Variants in ADCYAP1R1 observed in about 807,000 individuals in gnomAD.
The protein encoded by ADCYAP1R1 is ADCYAP receptor type I.
Under a neutral mutation model 67.6 loss-of-function variants are expected in ADCYAP1R1, and 44 were observed. The observed-to-expected ratio is 0.65, with a 90% CI of 0.51 to 0.84. The LOEUF is 0.84. Among genes scored for constraint, ADCYAP1R1 ranks in the 40% least tolerant of loss-of-function variants. The pLI, the probability that ADCYAP1R1 is intolerant of heterozygous loss-of-function variation, is 0.00. For synonymous variants in ADCYAP1R1, 222 were observed against 219.6 expected (o/e 1.01, Z -0.10); for missense variants, 477 against 587.9 (o/e 0.81, Z 1.95).
Position 31,106,761 on chromosome 7 carries a change from G to A in ADCYAP1R1, c.*77G>A, listed in dbSNP as rs878942732. ...CAGGTGCCAGCCCACGCATGTTTGC[G>A]CCTCTTCCCTCCCCTTGGGCAGGCC... On this transcript the variant is annotated 3_prime_UTR_variant, in exon 16 of 16. Transcript: ENST00000304166. The A allele has an allele frequency of 2.0e-5, 29 of 1,454,260 alleles. No homozygotes were observed. The highest frequency in any genetic ancestry group is 4.3e-5 in the African/African-American group (3 of 70,192). 90.1% of individuals were successfully genotyped at this position (1,454,260 alleles called of 1,614,324 possible). A position where few individuals can be genotyped will look rare whatever the true frequency, so the allele number is the denominator to read the frequency against.
Position 31,070,363 on chromosome 7 carries a change from G to A in ADCYAP1R1, c.157+5427G>A, listed in dbSNP as rs187832974. Among the ~76,000 whole-genome samples, 13 of 152,342 alleles carry A rather than the reference G, an allele frequency of 8.5e-5. No individual in the cohort carries two copies. In the South Asian group the frequency reaches 1.0e-3, roughly 12 times the overall value. ...CCACACTCTAGTGGAGGAGGAAGAGGAGGCCTGTGGTGGCCATGGCAGGGG... is the reference window on the plus strand; with the variant it reads ...CCACACTCTAGTGGAGGAGGAAGAGAAGGCCTGTGGTGGCCATGGCAGGGG... On this transcript the variant is annotated intron_variant, in intron 3 of 15. Coordinates refer to ENST00000304166, the MANE Select transcript of ADCYAP1R1 (RefSeq NM_001118.5).
chr7:31,062,682 G>A (rs1428984556), intron 1 of ADCYAP1R1, among the ~76,000 whole-genome samples: 1 of 152,202 alleles, frequency 6.6e-6, no homozygotes, highest in African/African-American at 2.4e-5. Flanking sequence ...ATTTGGGAAG[G>A]GTTAAAGAGC....
intron 13 of ADCYAP1R1, among the ~76,000 whole-genome samples, chr7:31,101,509 T>A (rs1049516924): frequency 5.9e-5 from 9 of 152,124 alleles, no homozygotes; most frequent in African/African-American, 1.9e-4. Context: ...GTAGCCCCTA[T>A]AGGTAGGGCC....
At chr7:31,071,806 T>A (rs1309295084) in intron 3 of ADCYAP1R1, among the ~76,000 whole-genome samples, 1 of 152,162 alleles carries the variant, frequency 6.6e-6, no homozygotes, top group Non-Finnish European at 1.5e-5. Flanking sequence ...GACTCTAGAC[T>A]TTTTTCCAGC....
intron 3 of ADCYAP1R1, among the ~76,000 whole-genome samples, chr7:31,068,344 C>G (rs1013080075): frequency 6.6e-6 from 1 of 152,194 alleles, no homozygotes; most frequent in East Asian, 1.9e-4. Context: ...TTGCTTGTCT[C>G]TTACCTAGTA....
rs1584504745 is a variant in ADCYAP1R1 at position 31,077,937 on chromosome 7, G to A, written c.158-54G>A. The A allele has an allele frequency of 8.3e-6, 10 of 1,203,052 alleles. No individual in the cohort carries two copies. The East Asian group carries it at 2.4e-4, about 28-fold the overall frequency. The allele number at this position is 1,203,052 out of a possible 1,614,324, so 74.5% of individuals were successfully genotyped here. A position where few individuals can be genotyped will look rare whatever the true frequency, so the allele number is the denominator to read the frequency against. Reference sequence around the variant, plus strand: ...GTGTGTGTGATGTGTGTGGTGGTGTGTGTGTATGGGTGTGTGTGGCTGGCC... The same window carrying A: ...GTGTGTGTGATGTGTGTGGTGGTGTATGTGTATGGGTGTGTGTGGCTGGCC... On this transcript the variant is annotated intron_variant, in intron 3 of 15. Coordinates refer to ENST00000304166, the MANE Select transcript of ADCYAP1R1 (RefSeq NM_001118.5).
rs762490784 is a variant in ADCYAP1R1 at position 31,063,283 on chromosome 7, G to C, written c.19G>C (p.Val7Leu). 6.2e-7 allele frequency: 1 copy of C among 1,614,082 alleles called. No homozygotes were observed. The highest frequency in any genetic ancestry group is 1.3e-5 in the African/African-American group (1 of 74,926). The change falls in exon 2 of 16, where the codon GTT (valine) becomes CTT (leucine). Residue 7 changes from valine to leucine, a missense_variant. Physicochemically the swap from Val to Leu is conservative, Grantham distance 32. Transcript: ENST00000304166. Reference protein sequence around the residue: MAGVVHVSLAALLLLPM... With the variant: MAGVVHLSLAALLLLPM... ...AAGTGTCATGGCTGGTGTCGTGCAC[G>C]TTTCCCTGGCTGCTCTCCTCCTGCT...
intron 3 of ADCYAP1R1, among the ~76,000 whole-genome samples, chr7:31,075,380 C>G (rs1271070971): frequency 6.6e-6 from 1 of 152,080 alleles, no homozygotes; most frequent in Non-Finnish European, 1.5e-5. Context: ...GCACAGAAGC[C>G]CTCTCCATAG....
At position 31,078,217 on chromosome 7, in the gene ADCYAP1R1, C is replaced by A. The variant is rs531193734; in HGVS notation, c.265+119C>A. Reference sequence around the variant, plus strand: ...TGGGCAGACAGTCCCTGCTCCTGAGCTCACATGTGGTGTGGGGGATGAAAC... The same window carrying A: ...TGGGCAGACAGTCCCTGCTCCTGAGATCACATGTGGTGTGGGGGATGAAAC... On this transcript the variant is annotated intron_variant, in intron 4 of 15. Transcript: ENST00000304166. The A allele has an allele frequency of 1.8e-4, 127 of 710,356 alleles. No homozygotes were observed. The Middle Eastern group carries it at 2.5e-3, about 14-fold the overall frequency. 44.0% of individuals were successfully genotyped at this position (710,356 alleles called of 1,614,324 possible).
At position 31,107,488 on chromosome 7, in the gene ADCYAP1R1, T is replaced by C. The variant is rs1796697025; in HGVS notation, c.*804T>C. 1 of 152,150 alleles carries C rather than the reference T, an allele frequency of 6.6e-6. No individual in the cohort carries two copies. Among genetic ancestry groups the C allele is most frequent in the Admixed American group, 6.5e-5 (1 of 15,268 alleles). 9.4% of individuals were successfully genotyped at this position (152,150 alleles called of 1,614,324 possible). On this transcript the variant is annotated 3_prime_UTR_variant, in exon 16 of 16. Transcript: ENST00000304166. ...TGGAAGAAAACCTTCGCCATCTCCA[T>C]TGTTTTACCCCCAGCTCAAGATGGA... is the stretch of plus-strand genomic sequence containing the variant.
chr7:31,064,942 C>T lies in ADCYAP1R1; in HGVS notation c.157+6C>T, dbSNP rs763444044. The T allele has an allele frequency of 1.6e-5, 26 of 1,597,852 alleles. No homozygotes were observed. Among genetic ancestry groups the T allele is most frequent in the Admixed American group, 3.4e-5 (2 of 58,854 alleles). ...CTTCAATGATTCCTCTCCAGGTGAG[C>T]GGGGCGGCAGGGAGCATGCCACGTC... On this transcript the variant is annotated splice_donor_region_variant and intron_variant, in intron 3 of 15. Coordinates refer to ENST00000304166, the MANE Select transcript of ADCYAP1R1 (RefSeq NM_001118.5).
intron 3 of ADCYAP1R1, among the ~76,000 whole-genome samples, chr7:31,069,586 G>A (rs1452448805): frequency 1.3e-5 from 2 of 152,228 alleles, no homozygotes; most frequent in Non-Finnish European, 1.5e-5. Flanking sequence ...GTTGAATTAT[G>A]TCTGTGGCAC....
At chr7:31,077,049 C>T (rs771592821) in intron 3 of ADCYAP1R1, among the ~76,000 whole-genome samples, 4 of 152,188 alleles carry the variant, frequency 2.6e-5, no homozygotes, top group Non-Finnish European at 5.9e-5. Flanking sequence ...AGGGCTCCCT[C>T]CTTCCCGACC....
chr7:31,098,924 C>T (rs1453085316), intron 13 of ADCYAP1R1, among the ~76,000 whole-genome samples: 3 of 152,124 alleles, frequency 2.0e-5, no homozygotes, highest in Non-Finnish European at 4.4e-5. Context: ...TGACCAGCAC[C>T]GGGAGACTCA....
At chr7:31,063,110 G>T in intron 1 of ADCYAP1R1, 84 bp from the exon 2 acceptor site, 3 of 767,364 alleles carry the variant, frequency 3.9e-6, no homozygotes, top group Non-Finnish European at 4.4e-6. Flanking sequence ...GCTGCAGGGA[G>T]CTGGGGGAAT....
chr7:31,108,672 ATT>A lies in ADCYAP1R1; in HGVS notation c.*1992_*1993del, dbSNP rs1259929361. The A allele has an allele frequency of 6.6e-6, 1 of 151,552 alleles. No individual in the cohort carries two copies. Among genetic ancestry groups the A allele is most frequent in the African/African-American group, 2.4e-5 (1 of 41,114 alleles). 9.4% of individuals were successfully genotyped at this position (151,552 alleles called of 1,614,324 possible). A position where few individuals can be genotyped will look rare whatever the true frequency, so the allele number is the denominator to read the frequency against. On this transcript the variant is annotated 3_prime_UTR_variant, in exon 16 of 16. Transcript: ENST00000304166. ...CTTCTCTAGGCCCTGCACGTAAGTG[ATT>A]TTTCCAGTTCAAAGTCAAGACAGGT...
rs1455877649 is a variant in ADCYAP1R1, at chr7:31,084,146, G to A, written c.334G>A (p.Gly112Arg). 3 of 1,614,056 alleles carry A rather than the reference G, an allele frequency of 1.9e-6. No homozygotes were observed. Among genetic ancestry groups the A allele is most frequent in the Admixed American group, 1.7e-5 (1 of 60,010 alleles). Residue 112 changes from glycine (G) to arginine (R), a missense_variant, in exon 7 of 16, where the codon GGA (glycine) becomes AGA (arginine). Coordinates refer to ENST00000304166, the MANE Select transcript of ADCYAP1R1 (RefSeq NM_001118.5). ...DSNSLDLSDM[G>R]VVSRNCTEDG... is the part of the protein sequence containing the mutation. ...GAGTTTTCTTTTTGCTGCAGACATG[G>A]GAGTGGTGAGCCGGAACTGCACGGA...
chr7:31,064,529 T>G (rs1794651013), intron 2 of ADCYAP1R1, among the ~76,000 whole-genome samples: 1 of 152,328 alleles, frequency 6.6e-6, no homozygotes, highest in African/African-American at 2.4e-5. Flanking sequence ...CTCAGAATAA[T>G]GCATGCACAG....
chr7:31,094,285 A>G (rs62446968), intron 13 of ADCYAP1R1, among the ~76,000 whole-genome samples: 7,242 of 152,140 alleles, frequency 0.048, 225 homozygotes, highest in Non-Finnish European at 0.067. Flanking sequence ...GCCCTTTGCT[A>G]CTACATAACC....
Sources: gnomAD v4.1 joint callset for allele counts (sites outside exome capture counted in the v4.1 genomes callset) on GRCh38, gnomAD v4.1.1 for gene constraint, MANE v1.5 for transcripts, NCBI Gene and HGNC (gene_info 2026-07-23, HGNC 2026-07-21) for gene names.